Variants in KANTR observed in about 807,000 individuals in gnomAD.
KANTR encodes KANTR integral membrane protein, also known as KDM5C adjacent transcript.
Position 53,138,222 on chromosome X carries a change from C to T in KANTR, n.204-3626C>T, listed in dbSNP as rs181421864. Reference sequence around the variant, plus strand: ...TAGCTGGGATTACAGGCATGCGCCACGACGCACAGCTAATTTTGTATTTTT... The same window carrying T: ...TAGCTGGGATTACAGGCATGCGCCATGACGCACAGCTAATTTTGTATTTTT... On this transcript the variant is annotated intron_variant and non_coding_transcript_variant, in intron 2 of 2. Coordinates refer to the KANTR transcript ENST00000366185. Among the ~76,000 whole-genome samples, 371 of 108,689 alleles carry T rather than the reference C, an allele frequency of 3.4e-3. 2 individuals carry two copies. Among genetic ancestry groups the T allele is most frequent in the Admixed American group, 4.9e-3 (50 of 10,203 alleles). 94.4% of individuals were successfully genotyped at this position (108,689 alleles called of 115,157 possible). A position where few individuals can be genotyped will look rare whatever the true frequency, so the allele number is the denominator to read the frequency against.
intron 2 of KANTR, among the ~76,000 whole-genome samples, chrX:53,107,818 T>C (rs1300489265): frequency 1.8e-5 from 2 of 110,401 alleles, no homozygotes; most frequent in Non-Finnish European, 3.8e-5. Flanking sequence ...GTGCAATGGC[T>C]CCATCATAGC....
chrX:53,101,395 G>T lies in KANTR; in HGVS notation c.-805+1787G>T, dbSNP rs1014438877. ...CTGAGGCGGGAGGACTGTGTGAGCC[G>T]AGGAGTTTGAGACCAGCCTGGGCAA... On this transcript the variant is annotated intron_variant, in intron 2 of 2. Coordinates refer to ENST00000604062, the Ensembl canonical transcript of KANTR. 4.5e-5 allele frequency among the ~76,000 whole-genome samples: 5 copies of T among 110,206 alleles called. No individual in the cohort carries two copies. In the South Asian group the frequency reaches 1.9e-3, roughly 42 times the overall value.
chrX:53,126,968 C>T (rs1933297590), exon 3 of KANTR: 1 of 111,477 alleles, frequency 9.0e-6, no homozygotes, highest in Non-Finnish European at 1.9e-5. Context: ...CTTTACCTCT[C>T]TTACCTTGTC....
chrX:53,097,534 G>A (rs782289728), intron 1 of KANTR, among the ~76,000 whole-genome samples: 126 of 103,158 alleles, frequency 1.2e-3, no homozygotes, highest in African/African-American at 4.3e-3. Context: ...TGTATTTTTA[G>A]CAGAGACAGG....
chrX:53,147,797 C>G (rs1157055181), intron 3 of KANTR, among the ~76,000 whole-genome samples: 1 of 111,562 alleles, frequency 9.0e-6, no homozygotes, highest in Non-Finnish European at 1.9e-5. Context: ...CAAACTAGAA[C>G]TCAGGATTAA....
At chrX:53,122,531 A>G (rs1556815650) in intron 2 of KANTR, among the ~76,000 whole-genome samples, 1 of 111,601 alleles carries the variant, frequency 9.0e-6, no homozygotes, top group African/African-American at 3.3e-5. Context: ...AAACACCACT[A>G]ACTTTTCCCT....
chrX:53,101,606 C>T (rs782643372), intron 2 of KANTR, among the ~76,000 whole-genome samples: 92 of 111,748 alleles, frequency 8.2e-4, no homozygotes, highest in African/African-American at 2.8e-3. Flanking sequence ...GCCAGTCAGT[C>T]GAGCAGTCAG....
At chrX:53,133,165 C>T (rs1485941515) in intron 2 of KANTR, among the ~76,000 whole-genome samples, 3 of 109,444 alleles carry the variant, frequency 2.7e-5, no homozygotes, top group African/African-American at 6.7e-5. Context: ...CCTAGGAGTT[C>T]AGTTCCAGCC....
At chrX:53,136,103 A>G (rs1933416400) in intron 2 of KANTR, among the ~76,000 whole-genome samples, 1 of 112,016 alleles carries the variant, frequency 8.9e-6, no homozygotes. Context: ...TGAATCCACC[A>G]TCATCCTCTC....
intron 2 of KANTR, among the ~76,000 whole-genome samples, chrX:53,119,267 G>A (rs1397760499): frequency 1.8e-5 from 2 of 110,382 alleles, no homozygotes; most frequent in African/African-American, 6.6e-5. Flanking sequence ...GGGTCTCCCT[G>A]TTGCCCAGGC....
intron 2 of KANTR, among the ~76,000 whole-genome samples, chrX:53,115,724 T>C (rs1386508973): frequency 8.9e-6 from 1 of 112,826 alleles, no homozygotes; most frequent in Non-Finnish European, 1.9e-5. Flanking sequence ...AGTATCTCTT[T>C]TCCCACTGCA....
intron 2 of KANTR, among the ~76,000 whole-genome samples, chrX:53,140,322 G>A (rs1235453218): frequency 1.8e-5 from 2 of 111,015 alleles, no homozygotes; most frequent in African/African-American, 3.3e-5. Flanking sequence ...CCATCATGGC[G>A]AAACCCCGTC....
At chrX:53,130,763 C>T (rs1274427302), downstream of KANTR, among the ~76,000 whole-genome samples, 2 of 111,461 alleles carry the variant, frequency 1.8e-5, no homozygotes, top group Non-Finnish European at 3.8e-5. Flanking sequence ...GTATATCCTG[C>T]CCTGTGTGTT....
chrX:53,104,065 G>T (rs1437223575), intron 2 of KANTR, among the ~76,000 whole-genome samples: 5 of 110,205 alleles, frequency 4.5e-5, no homozygotes, highest in Non-Finnish European at 9.5e-5. Flanking sequence ...TTTGAGACAG[G>T]GTCTTACTGT....
intron 1 of KANTR, among the ~76,000 whole-genome samples, chrX:53,096,317 G>A (rs1932844710): frequency 8.9e-6 from 1 of 112,346 alleles, no homozygotes. Context: ...TTGACACCTA[G>A]TAGACTTTCT....
intron 2 of KANTR, among the ~76,000 whole-genome samples, chrX:53,112,275 C>T (rs1439409791): frequency 8.9e-6 from 1 of 112,072 alleles, no homozygotes; most frequent in East Asian, 2.8e-4. Flanking sequence ...TCTCCGATTC[C>T]ATCCAGGTTG....
chrX:53,105,842 A>G (rs1402891337), intron 2 of KANTR, among the ~76,000 whole-genome samples: 12 of 97,052 alleles, frequency 1.2e-4, no homozygotes, highest in Non-Finnish European at 2.0e-5. Context: ...TTGTCAGATA[A>G]TATGTTTTTT....
chrX:53,097,175 A>G (rs1307512642), intron 1 of KANTR, among the ~76,000 whole-genome samples: 2 of 110,124 alleles, frequency 1.8e-5, no homozygotes. Context: ...CTCAGTGAGA[A>G]CCATTGCTTA....
At chrX:53,103,077 T>C (rs1488118033) in intron 2 of KANTR, among the ~76,000 whole-genome samples, 2 of 105,006 alleles carry the variant, frequency 1.9e-5, no homozygotes, top group Non-Finnish European at 3.9e-5. Context: ...CTCCGCCTCC[T>C]GGGTTCAAGT....
Sources: gnomAD v4.1 joint callset for allele counts (sites outside exome capture counted in the v4.1 genomes callset) on GRCh38, gnomAD v4.1.1 for gene constraint, MANE v1.5 for transcripts, NCBI Gene and HGNC (gene_info 2026-07-23, HGNC 2026-07-21) for gene names.